Variants in ELMOD1 observed in about 807,000 individuals in gnomAD.
The protein encoded by ELMOD1 is ELMO domain-containing protein 1.
A neutral mutation model predicts 46.7 loss-of-function variants in ELMOD1; 21 were observed. The ratio of observed to expected loss-of-function variants is 0.45; its 90% CI spans 0.32 to 0.65. The LOEUF (loss-of-function observed/expected upper bound fraction) is 0.65. ELMOD1 is among the 30% of genes least tolerant of loss of function. The pLI is 0.04. For missense variants in ELMOD1, 348 were observed against 407.8 expected (o/e 0.85, Z 1.26); for synonymous variants, 122 against 138.2 (o/e 0.88, Z 0.82).
chr11:107,665,239 C>T lies in ELMOD1; in HGVS notation c.*42C>T, dbSNP rs1442967560. 1.3e-6 allele frequency: 2 copies of T among 1,594,184 alleles called. No individual in the cohort carries two copies. The highest frequency in any genetic ancestry group is 2.2e-5 in the East Asian group (1 of 44,704). ...TAATGGATACCCTGGAACACTGCCTCATTGTCTTGTTAGATCTCTGCTTAG... is the reference window on the plus strand; with the variant it reads ...TAATGGATACCCTGGAACACTGCCTTATTGTCTTGTTAGATCTCTGCTTAG... On this transcript the variant is annotated 3_prime_UTR_variant, in exon 12 of 12. Transcript: ENST00000265840.
At chr11:107,652,949 T>G (rs969307525) in intron 9 of ELMOD1, among the ~76,000 whole-genome samples, 2 of 152,180 alleles carry the variant, frequency 1.3e-5, no homozygotes, top group African/African-American at 4.8e-5. Flanking sequence ...AATTAAATAT[T>G]CATAATAACT....
chr11:107,647,748 A>T (rs752189441), intron 7 of ELMOD1, 147 bp downstream of exon 7: 1 of 725,444 alleles, frequency 1.4e-6, no homozygotes, highest in South Asian at 5.0e-5. Flanking sequence ...TCAGGTTCAT[A>T]AAATGTTAAA....
At chr11:107,611,505 C>A (rs1014133752) in intron 1 of ELMOD1, among the ~76,000 whole-genome samples, 2 of 151,974 alleles carry the variant, frequency 1.3e-5, no homozygotes, top group African/African-American at 4.8e-5. Flanking sequence ...TCGAGACCAT[C>A]CTGGCTAACA....
intron 6 of ELMOD1, among the ~76,000 whole-genome samples, chr11:107,646,604 G>A (rs1224818275): frequency 2.0e-5 from 3 of 152,012 alleles, no homozygotes; most frequent in Non-Finnish European, 4.4e-5. Context: ...GTGTGGTGGT[G>A]CATGCCTGTA....
At chr11:107,649,093 A>G (rs997747597) in intron 7 of ELMOD1, among the ~76,000 whole-genome samples, 4 of 152,202 alleles carry the variant, frequency 2.6e-5, no homozygotes, top group Non-Finnish European at 5.9e-5. Context: ...AAACATTTTA[A>G]TGTAATATTA....
At chr11:107,631,729 C>A in intron 5 of ELMOD1, 52 bp downstream of exon 5, 1 of 1,011,064 alleles carries the variant, frequency 9.9e-7, no homozygotes, top group Non-Finnish European at 1.5e-6. Context: ...CACATGGCCA[C>A]AGGTTTAGTG....
At chr11:107,657,219 T>C (rs545500235) in intron 11 of ELMOD1, among the ~76,000 whole-genome samples, 16 of 152,274 alleles carry the variant, frequency 1.1e-4, no homozygotes, top group African/African-American at 3.9e-4. Flanking sequence ...AACAGCAACG[T>C]TGTATTCTAA....
chr11:107,603,138 T>G (rs1345146667), intron 1 of ELMOD1, among the ~76,000 whole-genome samples: 2 of 152,224 alleles, frequency 1.3e-5, no homozygotes, highest in Non-Finnish European at 2.9e-5. Flanking sequence ...CCTCTCTAGC[T>G]CAACCTCTTT....
chr11:107,646,989 C>CTAT, intron 6 of ELMOD1, among the ~76,000 whole-genome samples: 1 of 132,036 alleles, frequency 7.6e-6, no homozygotes, highest in Non-Finnish European at 1.7e-5. Context: ...TATCTATCTA[C>CTAT]CTATCTACCT....
At chr11:107,647,634 G>A in intron 7 of ELMOD1, 33 bp downstream of exon 7, 5 of 1,602,498 alleles carry the variant, frequency 3.1e-6, no homozygotes, top group Non-Finnish European at 4.3e-6. Context: ...AAGTGTTCGA[G>A]TGATGTTTTG....
intron 11 of ELMOD1, among the ~76,000 whole-genome samples, chr11:107,660,885 C>G (rs191740892): frequency 1.3e-5 from 2 of 152,326 alleles, no homozygotes; most frequent in African/African-American, 4.8e-5. Flanking sequence ...ATAGACCCAG[C>G]ATTAGGGAGC....
chr11:107,606,838 G>A (rs996098655), intron 1 of ELMOD1, among the ~76,000 whole-genome samples: 13 of 151,824 alleles, frequency 8.6e-5, no homozygotes, highest in African/African-American at 2.9e-4. Flanking sequence ...AACCTACATC[G>A]GTTTCAGTTA....
intron 9 of ELMOD1, chr11:107,653,961 A>C: frequency 1.8e-6 from 1 of 552,646 alleles, no homozygotes; most frequent in Non-Finnish European, 3.2e-6. Context: ...TCCCATGGCT[A>C]TACTAAAGTG....
At chr11:107,639,462 C>T (rs1866283024) in intron 6 of ELMOD1, among the ~76,000 whole-genome samples, 2 of 152,072 alleles carry the variant, frequency 1.3e-5, no homozygotes, top group Admixed American at 1.3e-4. Context: ...TGGATTCATG[C>T]ACTTAATGAA....
intron 11 of ELMOD1, among the ~76,000 whole-genome samples, chr11:107,657,758 G>A (rs367980187): frequency 9.9e-5 from 15 of 152,236 alleles, no homozygotes; most frequent in African/African-American, 3.6e-4. Flanking sequence ...GAATAAATGG[G>A]GTCTAGAAAA....
intron 1 of ELMOD1, among the ~76,000 whole-genome samples, chr11:107,610,017 A>T (rs1263985294): frequency 6.6e-6 from 1 of 152,158 alleles, no homozygotes; most frequent in East Asian, 1.9e-4. Context: ...GTACTTTTCT[A>T]AAAAAGTACA....
chr11:107,616,916 G>A (rs879107547), intron 1 of ELMOD1, among the ~76,000 whole-genome samples: 7 of 152,152 alleles, frequency 4.6e-5, no homozygotes, highest in South Asian at 4.1e-4. Context: ...ATTATGATCC[G>A]AGTGTTGGGT....
chr11:107,601,016 G>A (rs954530519), intron 1 of ELMOD1: 16 of 151,992 alleles, frequency 1.1e-4, no homozygotes, highest in Non-Finnish European at 1.8e-4. Flanking sequence ...GTATATCAAA[G>A]GAACACTTAC....
chr11:107,634,657 C>T (rs1049325372), intron 5 of ELMOD1, among the ~76,000 whole-genome samples: 6 of 152,132 alleles, frequency 3.9e-5, no homozygotes, highest in African/African-American at 9.7e-5. Flanking sequence ...AGGAGAATCA[C>T]TAGAAATCAG....
Sources: allele counts gnomAD v4.1 joint callset (sites outside exome capture counted in the v4.1 genomes callset), GRCh38; gene constraint gnomAD v4.1.1; transcripts MANE v1.5; gene names NCBI Gene and HGNC (gene_info 2026-07-23, HGNC 2026-07-21).